Variants in ZNF577 observed in about 807,000 individuals in gnomAD.
The protein encoded by ZNF577 is zinc finger protein 577.
Under a neutral mutation model 13.9 loss-of-function variants are expected in ZNF577, and 14 were observed. That is an observed-to-expected ratio of 1.00 (90% CI 0.66 to 1.57). The LOEUF is 1.57. Ranked by LOEUF, ZNF577 falls within the 40% of genes most tolerant of loss-of-function variation. The pLI is 0.00. For synonymous variants in ZNF577, 203 were observed against 202.9 expected (o/e 1.00, Z 0.00); for missense variants, 555 against 579.2 (o/e 0.96, Z 0.43).
At chr19:51,881,180 ATGAAGGAAG>A (rs1248252958) in intron 1 of ZNF577, among the ~76,000 whole-genome samples, 1 of 152,196 alleles carries the variant, frequency 6.6e-6, no homozygotes, top group Non-Finnish European at 1.5e-5. Context: ...AGGTAAGACA[ATGAAGGAAG>A]TGGTAAAGCC....
intron 2 of ZNF577, 67 bp from the exon 3 acceptor site, chr19:51,880,468 T>C: frequency 7.1e-7 from 1 of 1,400,744 alleles, no homozygotes; most frequent in Non-Finnish European, 1.0e-6. Context: ...GTCACTTAGC[T>C]ATGTTCCGAC....
chr19:51,874,127 G>A (rs1039972957), intron 5 of ZNF577, among the ~76,000 whole-genome samples: 5 of 152,132 alleles, frequency 3.3e-5, no homozygotes, highest in African/African-American at 4.8e-5. Flanking sequence ...CTCCCAAATC[G>A]GACCTTGCAA....
intron 5 of ZNF577, among the ~76,000 whole-genome samples, chr19:51,850,742 C>T (rs536019807): frequency 2.5e-3 from 377 of 152,324 alleles, no homozygotes; most frequent in Non-Finnish European, 3.9e-3. Context: ...GAACACTGAA[C>T]TTGCAGCTGG....
intron 5 of ZNF577, chr19:51,861,924 TGA>T (rs1177547983): frequency 1.3e-5 from 2 of 152,218 alleles, no homozygotes; most frequent in African/African-American, 4.8e-5. Flanking sequence ...TGTTATATAA[TGA>T]GAGTTGACTT....
rs1021178585 is a variant in ZNF577 at position 51,871,872 on chromosome 19, C to T, written c.*660G>A. On this transcript the variant is annotated 3_prime_UTR_variant, in exon 6 of 6. Transcript: ENST00000638348. ...AAAAGAAAAGCAGCCCTGTCAACAG[C>T]TTGATGTAGCCCCGTGAGATGCATT... 4 of 152,190 alleles carry T rather than the reference C, an allele frequency of 2.6e-5. No individual in the cohort carries two copies. The highest frequency in any genetic ancestry group is 9.7e-5 in the African/African-American group (4 of 41,448). 9.4% of individuals were successfully genotyped at this position (152,190 alleles called of 1,614,324 possible). A position where few individuals can be genotyped will look rare whatever the true frequency, so the allele number is the denominator to read the frequency against.
At chr19:51,847,703 C>T (rs1327316179) in intron 5 of ZNF577, among the ~76,000 whole-genome samples, 1 of 152,180 alleles carries the variant, frequency 6.6e-6, no homozygotes, top group African/African-American at 2.4e-5. Flanking sequence ...CCTTAAACGG[C>T]AACCCCAGAT....
intron 9 of ZNF577, chr19:51,823,787 G>T: frequency 1.2e-6 from 2 of 1,609,970 alleles, no homozygotes; most frequent in Non-Finnish European, 1.7e-6. Context: ...ATGAAACTGA[G>T]GAGGTGCTCC....
rs148099605 is a variant in ZNF577 at position 51,819,249 on chromosome 19, G to A, written c.*600-7575C>T. Among the ~76,000 whole-genome samples, 85 of 152,300 alleles carry A rather than the reference G, an allele frequency of 5.6e-4. 1 individual carries two copies. In the East Asian group the frequency reaches 0.015, roughly 27 times the overall value. On this transcript the variant is annotated intron_variant and NMD_transcript_variant, in intron 9 of 10. Transcript: ENST00000638827. ...GTTTGGAGTGTCTATGGGACTGCAG[G>A]GGAGATATCAAGAAGTCAATTGGTT... is the stretch of plus-strand genomic sequence containing the variant.
chr19:51,851,145 T>C (rs1217768422), intron 5 of ZNF577, among the ~76,000 whole-genome samples: 5 of 152,174 alleles, frequency 3.3e-5, no homozygotes, highest in Non-Finnish European at 7.4e-5. Context: ...GAAATGAGGA[T>C]AAATATTTGA....
intron 5 of ZNF577, among the ~76,000 whole-genome samples, chr19:51,857,671 G>A (rs1223862643): frequency 6.6e-6 from 1 of 152,118 alleles, no homozygotes; most frequent in African/African-American, 2.4e-5. Flanking sequence ...GCCTTCGGGT[G>A]GGTGATTGCC....
intron 10 of ZNF577, among the ~76,000 whole-genome samples, chr19:51,807,303 T>C (rs1024853933): frequency 2.0e-5 from 3 of 152,166 alleles, no homozygotes; most frequent in African/African-American, 4.8e-5. Flanking sequence ...GATTTCTCAA[T>C]AGATAACTCT....
intron 5 of ZNF577, among the ~76,000 whole-genome samples, chr19:51,874,805 C>T (rs781184598): frequency 1.3e-5 from 2 of 152,038 alleles, no homozygotes; most frequent in Non-Finnish European, 2.9e-5. Context: ...GGAATAATTA[C>T]AATGGAGATG....
At chr19:51,877,542 T>C in intron 4 of ZNF577, 165 bp from the exon 5 acceptor site, 1 of 590,922 alleles carries the variant, frequency 1.7e-6, no homozygotes, top group Non-Finnish European at 3.0e-6. Context: ...AAAATAACAG[T>C]CTGCGTGACA....
chr19:51,830,733 C>A (rs2084257233), intron 9 of ZNF577, among the ~76,000 whole-genome samples: 1 of 152,160 alleles, frequency 6.6e-6, no homozygotes, highest in Non-Finnish European at 1.5e-5. Context: ...TCTCAATCTC[C>A]TTGACTGGCT....
chr19:51,847,815 C>G (rs766073586), intron 5 of ZNF577, among the ~76,000 whole-genome samples: 2 of 152,274 alleles, frequency 1.3e-5, no homozygotes, highest in African/African-American at 4.8e-5. Flanking sequence ...ACAGGAGTCC[C>G]GTGAATTTAC....
At chr19:51,819,187 G>C (rs928402495) in intron 9 of ZNF577, among the ~76,000 whole-genome samples, 1 of 152,216 alleles carries the variant, frequency 6.6e-6, no homozygotes, top group Non-Finnish European at 1.5e-5. Context: ...GGTTTGGGAG[G>C]AAGGGACAAG....
At position 51,868,624 on chromosome 19, in the gene ZNF577, A is replaced by G. The variant is rs1252342190; in HGVS notation, c.*3908T>C. On this transcript the variant is annotated 3_prime_UTR_variant, in exon 6 of 6. Coordinates refer to ENST00000638348, the MANE Select transcript of ZNF577 (RefSeq NM_001370449.1). ...CCAATTCCCTCATAATGTTGCCTACAGAAGCCCCAGCAAGCACCGGCTAAG... is the reference window on the plus strand; with the variant it reads ...CCAATTCCCTCATAATGTTGCCTACGGAAGCCCCAGCAAGCACCGGCTAAG... 6.6e-6 allele frequency among the ~76,000 whole-genome samples: 1 copy of G among 152,224 alleles called. No individual in the cohort carries two copies. Among genetic ancestry groups the G allele is most frequent in the Admixed American group, 6.5e-5 (1 of 15,278 alleles).
intron 5 of ZNF577, among the ~76,000 whole-genome samples, chr19:51,855,361 A>C (rs1390244175): frequency 8.4e-6 from 1 of 119,624 alleles, no homozygotes; most frequent in African/African-American, 3.5e-5. Context: ...CTCTTTGCTG[A>C]GGGTGCTGTG....
downstream of ZNF577, among the ~76,000 whole-genome samples, chr19:51,866,371 T>TA (rs998227874): frequency 6.6e-5 from 10 of 151,394 alleles, no homozygotes; most frequent in Non-Finnish European, 1.3e-4. Context: ...AAATTAAAAA[T>TA]AAAAAAAAGT....
Sources: allele counts gnomAD v4.1 joint callset (sites outside exome capture counted in the v4.1 genomes callset), GRCh38; gene constraint gnomAD v4.1.1; transcripts MANE v1.5; gene names NCBI Gene and HGNC (gene_info 2026-07-23, HGNC 2026-07-21).